The following FAT1 variants were observed in gnomAD, a reference collection of about 807,000 sequenced individuals.
FAT1 encodes protocadherin Fat 1.
FAT1 carries 171 observed loss-of-function variants against 329.8 expected under a neutral mutation model. The observed-to-expected ratio is 0.52, with a 90% CI of 0.46 to 0.59. FAT1 has a LOEUF of 0.59. FAT1 is among the 20% of genes least tolerant of loss of function. The probability of loss-of-function intolerance (pLI) is 0.00; values close to 1 mark genes in which losing one functional copy is unlikely to be tolerated. For synonymous variants in FAT1, 2,233 were observed against 2,228.6 expected, an observed-to-expected ratio of 1.00 and a Z score of -0.06; for missense variants, 5,672 against 5,774.4, an observed-to-expected ratio of 0.98 and a Z score of 0.57.
chr4:186,596,402 G>A lies in FAT1; in HGVS notation c.13000+138C>T, dbSNP rs1738512558. 1 of 963,736 alleles carries A rather than the reference G, an allele frequency of 1.0e-6. No individual in the cohort carries two copies. The highest frequency in any genetic ancestry group is 1.5e-6 in the Non-Finnish European group (1 of 666,338). The allele number at this position is 963,736 out of a possible 1,614,324, so 59.7% of individuals were successfully genotyped here. ...CCCAGCAATCGGGACATCCAAAAAA[G>A]TTTCAAATCATCATACGGATTTCAG... On this transcript the variant is annotated intron_variant, in intron 25 of 26. Transcript: ENST00000441802. This position sits in a 1 kb window ranked among gnomAD's most constrained non-coding sequence, Gnocchi z 4.7.
At chr4:186,664,238 A>G (rs1187780590) in intron 2 of FAT1, among the ~76,000 whole-genome samples, 3 of 152,182 alleles carry the variant, frequency 2.0e-5, no homozygotes, top group African/African-American at 4.8e-5. Flanking sequence ...AAAGTCCACA[A>G]TAAGGGGCTG....
chr4:186,678,222 C>T (rs1743040040), intron 2 of FAT1, among the ~76,000 whole-genome samples: 1 of 151,950 alleles, frequency 6.6e-6, no homozygotes, highest in Non-Finnish European at 1.5e-5. Flanking sequence ...AAAACAAATT[C>T]AAAAACACAC....
chr4:186,713,481 G>A (rs1207432480), intron 1 of FAT1, among the ~76,000 whole-genome samples: 2 of 152,078 alleles, frequency 1.3e-5, no homozygotes, highest in Admixed American at 6.6e-5. Context: ...ACGTGACTGA[G>A]GTAGTATCTG....
chr4:186,652,011 G>C (rs62350425), intron 3 of FAT1, among the ~76,000 whole-genome samples: 1 of 152,194 alleles, frequency 6.6e-6, no homozygotes, highest in East Asian at 1.9e-4. Flanking sequence ...AACTCATTTA[G>C]TTCAAACTTT....
rs751555230 is a variant in FAT1, at chr4:186,588,846, C to T, written c.13513G>A (p.Gly4505Ser). The part of the protein sequence containing the change: ...PLDMSEPQTK[G>S]TGENSTCREP... Reference sequence around the variant, plus strand: ...CTACAAGTACTATTCTCACCAGTGCCTTTTGTTTGAGGTTCAGACATATCG... The same window carrying T: ...CTACAAGTACTATTCTCACCAGTGCTTTTTGTTTGAGGTTCAGACATATCG... Residue 4505 changes from glycine (G) to serine (S), a missense_variant, in exon 27 of 27, where the codon GGC becomes AGC. Gly to Ser is a moderately conservative substitution (Grantham distance 56). Coordinates refer to ENST00000441802, the MANE Select transcript of FAT1 (RefSeq NM_005245.4). 23 of 1,613,836 alleles carry T rather than the reference C, an allele frequency of 1.4e-5. No individual in the cohort carries two copies. The South Asian group carries it at 2.5e-4, about 18-fold the overall frequency.
chr4:186,651,871 C>T (rs1488435618), intron 3 of FAT1, among the ~76,000 whole-genome samples: 2 of 152,224 alleles, frequency 1.3e-5, no homozygotes, highest in East Asian at 1.9e-4. Context: ...GCCGGCTGCG[C>T]GCTCTTTCGG....
chr4:186,603,845 C>T lies in FAT1; in HGVS notation c.10681G>A (p.Gly3561Ser), dbSNP rs779740597. ...FITSSGEEYS[G>S]GVIGKIHATD... ...GCATGGATCTTCCCAATGACGCCAC[C>T]TGAGTATTCTTCTCCAGAAGAGGTG... Residue 3561 changes from glycine to serine, a missense_variant, in exon 19 of 27, where the codon GGT becomes AGT. Physicochemically the swap from Gly to Ser is moderately conservative, Grantham distance 56. Transcript: ENST00000441802. 4 of 1,613,750 alleles carry T rather than the reference C, an allele frequency of 2.5e-6. No individual in the cohort carries two copies. Among genetic ancestry groups the T allele is most frequent in the Non-Finnish European group, 3.4e-6 (4 of 1,179,876 alleles).
At chr4:186,717,568 A>C (rs939755729) in intron 1 of FAT1, among the ~76,000 whole-genome samples, 8 of 152,254 alleles carry the variant, frequency 5.3e-5, no homozygotes, top group African/African-American at 1.9e-4. Flanking sequence ...AAACTTCACC[A>C]TGTACATGAT....
At position 186,601,403 on chromosome 4, in the gene FAT1, C is replaced by T. The variant is rs1203365758; in HGVS notation, c.11506G>A (p.Gly3836Arg). 6.2e-7 allele frequency: 1 copy of T among 1,612,554 alleles called. No homozygotes were observed. The highest frequency in any genetic ancestry group is 8.5e-7 in the Non-Finnish European group (1 of 1,178,906). ...CPGSSSMTLT[G>R]NSYVKYRLTE... ...AGACGGTATTTCACGTAGCTGTTTC[C>T]AGTCAGTGTCATAGATGAACTCCCT... is the stretch of plus-strand genomic sequence containing the variant. The change falls in exon 21 of 27, where the codon GGA becomes AGA. Residue 3836 changes from glycine (G) to arginine (R), a missense_variant. Around this residue, in one of 2 missense-constraint regions of FAT1, gnomAD observed 1,706 missense variants for 1,859.1 expected, o/e 0.92. Transcript: ENST00000441802.
chr4:186,619,160 T>G lies in FAT1; in HGVS notation c.7426A>C (p.Thr2476Pro), dbSNP rs2126502790. The G allele has an allele frequency of 6.2e-7, 1 of 1,613,898 alleles. No individual in the cohort carries two copies. Among genetic ancestry groups the G allele is most frequent in the Non-Finnish European group, 8.5e-7 (1 of 1,179,890 alleles). The change falls in exon 10 of 27, where the codon ACC (threonine) becomes CCC (proline). Residue 2476 changes from threonine to proline, a missense_variant. Thr to Pro is a conservative substitution (Grantham distance 38). Around this residue, in one of 2 missense-constraint regions of FAT1, gnomAD observed 3,966 missense variants for 3,915.2 expected, o/e 1.01. Coordinates refer to ENST00000441802, the MANE Select transcript of FAT1 (RefSeq NM_005245.4). Reference protein sequence around the residue: ...SVSDGVFRSSTQVHVTVIGGN... With the variant: ...SVSDGVFRSSPQVHVTVIGGN... ...CCAATTACAGTTACATGAACCTGGG[T>G]GGAACTTCTAAAAACTCCATCAGAC...
chr4:186,597,368 G>A (rs768801906), intron 24 of FAT1, 197 bp from the exon 25 acceptor site: 34 of 614,622 alleles, frequency 5.5e-5, no homozygotes, highest in Non-Finnish European at 8.0e-5. Flanking sequence ...TCATGTGATC[G>A]CATGCTTTTG....
chr4:186,706,030 G>A (rs1194638182), intron 2 of FAT1, among the ~76,000 whole-genome samples: 2 of 152,094 alleles, frequency 1.3e-5, no homozygotes, highest in Non-Finnish European at 2.9e-5. Flanking sequence ...CCACTACCCC[G>A]CCTCTGCCTC....
intron 2 of FAT1, among the ~76,000 whole-genome samples, chr4:186,705,318 G>A (rs1178823532): frequency 6.6e-6 from 1 of 152,022 alleles, no homozygotes; most frequent in Non-Finnish European, 1.5e-5. Flanking sequence ...GGATCCCAGG[G>A]TGGGTGTTGA....
chr4:186,719,585 G>C (rs1745373176), intron 1 of FAT1, among the ~76,000 whole-genome samples: 1 of 152,114 alleles, frequency 6.6e-6, no homozygotes, highest in Non-Finnish European at 1.5e-5. Context: ...CAAACAAAAA[G>C]GAAGGGGTTG....
intron 6 of FAT1, 139 bp from the exon 7 acceptor site, chr4:186,633,962 GA>G (rs1205319023): frequency 3.8e-5 from 32 of 851,234 alleles, no homozygotes; most frequent in Non-Finnish European, 5.4e-5. Flanking sequence ...CATTTTGAAA[GA>G]AAAGAGTGGC....
rs1476000740 is a variant in FAT1 at position 186,613,157 on chromosome 4, C to CT, written c.9414dup (p.Glu3139ArgfsTer28). 6.2e-7 allele frequency: 1 copy of CT among 1,613,520 alleles called. No homozygotes were observed. ...ACTCTTGTCAGCAGCGTTCCCGGCT[C>CT]TGTGTTTTCAAACACGGTGATGGCA... is the stretch of plus-strand genomic sequence containing the variant. On this transcript the variant is annotated frameshift_variant, in exon 13 of 27. Transcript: ENST00000441802. LOFTEE classifies it high-confidence loss of function.
intron 11 of FAT1, among the ~76,000 whole-genome samples, chr4:186,614,943 AC>A (rs1739637600): frequency 9.7e-6 from 1 of 103,464 alleles, no homozygotes; most frequent in Non-Finnish European, 1.8e-5. Flanking sequence ...AACACGGTGA[AC>A]ACTTGTTTCC....
At chr4:186,706,542 G>C (rs2126681643) in intron 2 of FAT1, 21 bp downstream of exon 2, 1 of 1,557,110 alleles carries the variant, frequency 6.4e-7, no homozygotes, top group Non-Finnish European at 8.7e-7. Context: ...CATCAAATGA[G>C]AGCAATAAAA....
chr4:186,641,393 T>TC (rs1363237608), intron 3 of FAT1, among the ~76,000 whole-genome samples: 5 of 152,174 alleles, frequency 3.3e-5, no homozygotes, highest in Non-Finnish European at 7.3e-5. Flanking sequence ...TAAGTTAATC[T>TC]CTTTTTTTCC....
Sources: allele counts gnomAD v4.1 joint callset (sites outside exome capture counted in the v4.1 genomes callset), GRCh38; gene constraint gnomAD v4.1.1; regional missense constraint gnomAD v4.1.1; non-coding constraint Gnocchi (gnomAD v3.1); transcripts MANE v1.5; gene names NCBI Gene and HGNC (gene_info 2026-07-23, HGNC 2026-07-21).